Variants in MYSM1 observed in about 807,000 individuals in gnomAD.
The protein encoded by MYSM1 is deubiquitinase MYSM1.
In MYSM1, 51 loss-of-function variants were observed where a neutral mutation model predicts 116.0. The ratio of observed to expected loss-of-function variants is 0.44; its 90% CI spans 0.35 to 0.56. The LOEUF (loss-of-function observed/expected upper bound fraction) is 0.56. Among genes scored for constraint, MYSM1 ranks in the 20% least tolerant of loss-of-function variants. MYSM1 has a pLI of 0.00. For missense variants in MYSM1, 900 were observed against 974.9 expected, an observed-to-expected ratio of 0.92 and a Z score of 1.02; for synonymous variants, 313 against 315.2, an observed-to-expected ratio of 0.99 and a Z score of 0.07.
At chr1:58,673,468 C>T in intron 11 of MYSM1, 105 bp downstream of exon 11, 1 of 940,032 alleles carries the variant, frequency 1.1e-6, no homozygotes, top group Non-Finnish European at 1.6e-6. Flanking sequence ...TGAACACATA[C>T]ATGTTAATGT....
In MYSM1 at chr1:58,662,797, C is replaced by G. The variant is rs549317093; in HGVS notation, c.2165-1286G>C. 8.5e-5 allele frequency among the ~76,000 whole-genome samples: 13 copies of G among 152,148 alleles called. No homozygotes were observed. In the East Asian group the frequency reaches 2.5e-3, roughly 29 times the overall value. On this transcript the variant is annotated intron_variant, in intron 17 of 19. Coordinates refer to ENST00000472487, the MANE Select transcript of MYSM1 (RefSeq NM_001085487.3). ...AGCAAGCCTGATGATGATGACTGAT[C>G]TTTTTTATTTAATTGCTCAATTTTC...
At chr1:58,680,397 T>A (rs1481710444) in intron 8 of MYSM1, among the ~76,000 whole-genome samples, 1 of 152,222 alleles carries the variant, frequency 6.6e-6, no homozygotes, top group Non-Finnish European at 1.5e-5. Context: ...TAAGATGATG[T>A]AGCAAAGCTC....
At position 58,685,262 on chromosome 1, in the gene MYSM1, A is replaced by T. The variant is rs763412483; in HGVS notation, c.400-11T>A. On this transcript the variant is annotated splice_polypyrimidine_tract_variant and intron_variant, in intron 6 of 19. Transcript: ENST00000472487. ...TCGGCCAAATTTAGCCTGTATTATTAAAATGGGAAAAAAAATTGCTTTTGA... is the reference window on the plus strand; with the variant it reads ...TCGGCCAAATTTAGCCTGTATTATTTAAATGGGAAAAAAAATTGCTTTTGA... 6.3e-7 allele frequency: 1 copy of T among 1,594,368 alleles called. No homozygotes were observed. The highest frequency in any genetic ancestry group is 2.2e-5 in the East Asian group (1 of 44,602).
At chr1:58,698,639 G>A (rs1261486807) in intron 1 of MYSM1, among the ~76,000 whole-genome samples, 1 of 152,136 alleles carries the variant, frequency 6.6e-6, no homozygotes, top group Non-Finnish European at 1.5e-5. Context: ...TGTTTCCAAG[G>A]CCAGCTCATT....
intron 9 of MYSM1, chr1:58,676,629 C>T (rs1191159093): frequency 4.8e-6 from 1 of 210,122 alleles, no homozygotes; most frequent in Non-Finnish European, 9.5e-6. Context: ...TATTATTAGA[C>T]TTTTCATAAA....
At chr1:58,663,059 C>T (rs1644418015) in intron 17 of MYSM1, among the ~76,000 whole-genome samples, 1 of 152,114 alleles carries the variant, frequency 6.6e-6, no homozygotes. Flanking sequence ...AATTTTTTCT[C>T]ATTTTACAGA....
intron 13 of MYSM1, 129 bp downstream of exon 13, chr1:58,668,855 G>A (rs903318183): frequency 6.6e-5 from 65 of 978,748 alleles, no homozygotes; most frequent in Middle Eastern, 2.1e-4. Flanking sequence ...ATTCCAGCAG[G>A]GAGAAATTCT....
chr1:58,690,251 T>C lies in MYSM1; in HGVS notation c.297-2A>G. 6.3e-7 allele frequency: 1 copy of C among 1,575,650 alleles called. No homozygotes were observed. The highest frequency in any genetic ancestry group is 8.6e-7 in the Non-Finnish European group (1 of 1,163,988). ...ATGATTTTTGCTGTTTTCTGCAGACTGCATCACATGAAAAAAGAAAATAAG... is the reference window on the plus strand; with the variant it reads ...ATGATTTTTGCTGTTTTCTGCAGACCGCATCACATGAAAAAAGAAAATAAG... On this transcript the variant is annotated splice_acceptor_variant, in intron 4 of 19. Coordinates refer to ENST00000472487, the MANE Select transcript of MYSM1 (RefSeq NM_001085487.3). LOFTEE classifies it high-confidence loss of function.
At chr1:58,675,012 G>T (rs535302811) in intron 10 of MYSM1, among the ~76,000 whole-genome samples, 17 of 148,284 alleles carry the variant, frequency 1.1e-4, no homozygotes, top group African/African-American at 3.7e-4. Context: ...TTTTCTCCTA[G>T]TAGGTCACTT....
chr1:58,660,615 A>C (rs1285161026), intron 19 of MYSM1, among the ~76,000 whole-genome samples: 1 of 152,084 alleles, frequency 6.6e-6, no homozygotes, highest in Admixed American at 6.6e-5. Context: ...AACTGGATAT[A>C]ACAGAAAGGA....
In MYSM1 at chr1:58,662,185, T is replaced by A. The variant is rs959435394; in HGVS notation, c.2165-674A>T. On this transcript the variant is annotated intron_variant, in intron 17 of 19. Coordinates refer to ENST00000472487, the MANE Select transcript of MYSM1 (RefSeq NM_001085487.3). Reference sequence around the variant, plus strand: ...AGCAACTGCTTTGAGTCAAAGTTGTTATACTAAACTCTGGAGGAAAGAAAG... The same window carrying A: ...AGCAACTGCTTTGAGTCAAAGTTGTAATACTAAACTCTGGAGGAAAGAAAG... Among the ~76,000 whole-genome samples the A allele has an allele frequency of 3.9e-5, 6 of 152,036 alleles. No homozygotes were observed. In the East Asian group the frequency reaches 1.2e-3, roughly 29 times the overall value.
Position 58,667,964 on chromosome 1 carries a change from C to T in MYSM1, c.1768-43G>A, listed in dbSNP as rs777161255. 7.3e-6 allele frequency: 10 copies of T among 1,363,778 alleles called. No homozygotes were observed. The South Asian group carries it at 1.2e-4, about 16-fold the overall frequency. 84.5% of individuals were successfully genotyped at this position (1,363,778 alleles called of 1,614,324 possible). Reference sequence around the variant, plus strand: ...CAGACTTAGCCCAAACGCACAAACCCACCTGACAAAGTAACAAAACTCACT... The same window carrying T: ...CAGACTTAGCCCAAACGCACAAACCTACCTGACAAAGTAACAAAACTCACT... On this transcript the variant is annotated intron_variant, in intron 14 of 19. Coordinates refer to ENST00000472487, the MANE Select transcript of MYSM1 (RefSeq NM_001085487.3).
In MYSM1 at chr1:58,655,548, T is replaced by C. The variant is rs1047388825; in HGVS notation, c.*4449A>G. On this transcript the variant is annotated 3_prime_UTR_variant, in exon 20 of 20. Coordinates refer to ENST00000472487, the MANE Select transcript of MYSM1 (RefSeq NM_001085487.3). ...GAAAAATGTAAGGTGGCTTAGAAGA[T>C]AGACTCAGAATATACTAGAAAGTAT... 3.3e-5 allele frequency: 5 copies of C among 152,062 alleles called. No homozygotes were observed. Among genetic ancestry groups the C allele is most frequent in the African/African-American group, 1.2e-4 (5 of 41,398 alleles). 9.4% of individuals were successfully genotyped at this position (152,062 alleles called of 1,614,324 possible).
At chr1:58,699,603 A>AT in intron 1 of MYSM1, 1 of 982,554 alleles carries the variant, frequency 1.0e-6, no homozygotes, top group Non-Finnish European at 1.2e-6. Context: ...CTAGCAAGCC[A>AT]TAGAACAAGA....
intron 13 of MYSM1, 37 bp downstream of exon 13, chr1:58,668,947 G>A (rs1321455760): frequency 6.7e-7 from 1 of 1,492,448 alleles, no homozygotes; most frequent in Middle Eastern, 1.7e-4. Context: ...GGGAAGCGGG[G>A]ATTGTCTACT....
intron 10 of MYSM1, among the ~76,000 whole-genome samples, 170 bp downstream of exon 10, chr1:58,675,307 C>T (rs1412978921): frequency 3.9e-5 from 6 of 152,158 alleles, no homozygotes; most frequent in Non-Finnish European, 8.8e-5. Flanking sequence ...CAGAAAGCAA[C>T]ATGAAATTGA....
intron 16 of MYSM1, 36 bp from the exon 17 acceptor site, chr1:58,665,667 A>C: frequency 7.3e-7 from 1 of 1,364,650 alleles, no homozygotes. Flanking sequence ...AGTTTCAACT[A>C]TATAAATTCA....
chr1:58,656,515 C>T lies in MYSM1; in HGVS notation c.*3482G>A, dbSNP rs926317148. 3.9e-5 allele frequency: 6 copies of T among 152,096 alleles called. No homozygotes were observed. The highest frequency in any genetic ancestry group is 1.4e-4 in the African/African-American group (6 of 41,432). 9.4% of individuals were successfully genotyped at this position (152,096 alleles called of 1,614,324 possible). A position where few individuals can be genotyped will look rare whatever the true frequency, so the allele number is the denominator to read the frequency against. On this transcript the variant is annotated 3_prime_UTR_variant, in exon 20 of 20. Transcript: ENST00000472487. ...ACTACAGATTAGGGACTGACCAAAA[C>T]AAAAATATCTGAAGACTAAAACAAA...
chr1:58,698,100 A>ATTTTTTTTTTT (rs1446935480), intron 1 of MYSM1, among the ~76,000 whole-genome samples: 42 of 4,960 alleles, frequency 8.5e-3, no homozygotes, highest in Non-Finnish European at 0.027. Flanking sequence ...ATATATATAT[A>ATTTTTTTTTTT]TATTTTTTTT....
Sources: gnomAD v4.1 joint callset for allele counts (sites outside exome capture counted in the v4.1 genomes callset) on GRCh38, gnomAD v4.1.1 for gene constraint, MANE v1.5 for transcripts, NCBI Gene and HGNC (gene_info 2026-07-23, HGNC 2026-07-21) for gene names.